The following LSG1 variants were observed in gnomAD, a reference collection of about 807,000 sequenced individuals.
LSG1 encodes the protein large 60S subunit nuclear export GTPase 1.
LSG1 carries 55 observed loss-of-function variants against 82.6 expected under a neutral mutation model. The observed-to-expected ratio is 0.67, with a 90% CI of 0.54 to 0.83. The LOEUF (loss-of-function observed/expected upper bound fraction) is 0.83. Among genes scored for constraint, LSG1 ranks in the 40% least tolerant of loss-of-function variants. The pLI is 0.00. For synonymous variants in LSG1, 272 were observed against 282.5 expected, an observed-to-expected ratio of 0.96 and a Z score of 0.37; for missense variants, 809 against 807.9, an observed-to-expected ratio of 1.00 and a Z score of -0.02.
chr3:194,653,541 G>A (rs1718728576), intron 7 of LSG1, among the ~76,000 whole-genome samples: 2 of 151,890 alleles, frequency 1.3e-5, no homozygotes. Flanking sequence ...ATGAACAGGG[G>A]ACAAGCAAAG....
Position 194,659,078 on chromosome 3 carries a change from T to C in LSG1, c.638A>G (p.Lys213Arg). ...ANKENVILIN[K>R]ADLLTAEQRS... ...CTGCTCAGCAGTCAGCAAGTCTGCC[T>C]TGTTGATCAGAATGACGTTCTCCTT... Residue 213 changes from lysine (K) to arginine (R), a missense_variant, in exon 7 of 14, where the codon AAG (lysine) becomes AGG (arginine). Physicochemically the swap from Lys to Arg is conservative, Grantham distance 26. Transcript: ENST00000265245. 1 of 1,614,192 alleles carries C rather than the reference T, an allele frequency of 6.2e-7. No homozygotes were observed. The highest frequency in any genetic ancestry group is 8.5e-7 in the Non-Finnish European group (1 of 1,180,004).
intron 7 of LSG1, among the ~76,000 whole-genome samples, chr3:194,654,712 C>A (rs1030955900): frequency 6.6e-6 from 1 of 151,966 alleles, no homozygotes; most frequent in Non-Finnish European, 1.5e-5. Context: ...AAAACTACAG[C>A]GGGGAGCAGT....
Position 194,642,157 on chromosome 3 carries a change from C to CT in LSG1, c.1887_1888insA (p.Glu630ArgfsTer16). The CT allele has an allele frequency of 1.2e-6, 2 of 1,614,070 alleles. No homozygotes were observed. The highest frequency in any genetic ancestry group is 1.7e-6 in the Non-Finnish European group (2 of 1,180,026). ...TTCCAGGGCTTCCCCGCCCCGTTCT[C>CT]AGAGCTCGCAGTGGATGCAGTCACT... is the stretch of plus-strand genomic sequence containing the variant. On this transcript the variant is annotated frameshift_variant, in exon 14 of 14. Transcript: ENST00000265245. LOFTEE classifies it high-confidence loss of function.
intron 7 of LSG1, among the ~76,000 whole-genome samples, chr3:194,657,552 C>T (rs1421725621): frequency 6.8e-6 from 1 of 148,056 alleles, no homozygotes; most frequent in Non-Finnish European, 1.5e-5. Flanking sequence ...GATGAACTAA[C>T]AGAAACTGAA....
At position 194,644,668 on chromosome 3, in the gene LSG1, T is replaced by C. The variant is rs764440886; in HGVS notation, c.1702A>G (p.Asn568Asp). ...TTTATTTCATCACTGTTCATTTTGT[T>C]CTCTAGGAGTCGCTGGTGTTGATGC... Reference protein sequence around the residue: ...FQHQHQRLLENKMNSDEIKMQ... With the variant: ...FQHQHQRLLEDKMNSDEIKMQ... Residue 568 changes from asparagine (N) to aspartate (D), a missense_variant, in exon 13 of 14, where the codon AAC becomes GAC. By Grantham distance (23) the Asn-to-Asp change is conservative. Transcript: ENST00000265245. 4.5e-5 allele frequency: 73 copies of C among 1,611,872 alleles called. No individual in the cohort carries two copies. In the East Asian group the frequency reaches 1.6e-3, roughly 34 times the overall value.
At chr3:194,669,716 G>A (rs566460711) in intron 2 of LSG1, among the ~76,000 whole-genome samples, 7 of 152,104 alleles carry the variant, frequency 4.6e-5, no homozygotes, top group Non-Finnish European at 7.3e-5. Context: ...GGCGAATCAC[G>A]AGGTCAGGAG....
chr3:194,664,244 C>A (rs1001911469), intron 5 of LSG1, among the ~76,000 whole-genome samples: 1 of 152,054 alleles, frequency 6.6e-6, no homozygotes, highest in Non-Finnish European at 1.5e-5. Flanking sequence ...TGAGCCACCG[C>A]GCTGGGCCCT....
intron 7 of LSG1, among the ~76,000 whole-genome samples, chr3:194,657,183 TAAA>T (rs56027721): frequency 0.62 from 88,382 of 142,644 alleles, 28,257 homozygotes; most frequent in East Asian, 0.87. Flanking sequence ...AAGGCAACCT[TAAA>T]AAAAAAAAAA....
Position 194,647,009 on chromosome 3 carries a change from C to T in LSG1, c.1544-766G>A, listed in dbSNP as rs7646730. Reference sequence around the variant, plus strand: ...CAGCGAAGCATGGTGGTTAAGAACACGGCTTCAGCAGACAGGCTGCGTTCA... The same window carrying T: ...CAGCGAAGCATGGTGGTTAAGAACATGGCTTCAGCAGACAGGCTGCGTTCA... On this transcript the variant is annotated intron_variant, in intron 11 of 13. Coordinates refer to ENST00000265245, the MANE Select transcript of LSG1 (RefSeq NM_018385.3). Among the ~76,000 whole-genome samples, 210 of 152,320 alleles carry T rather than the reference C, an allele frequency of 1.4e-3. 1 individual carries two copies. The highest frequency in any genetic ancestry group is 4.8e-3 in the African/African-American group (198 of 41,576).
intron 13 of LSG1, among the ~76,000 whole-genome samples, chr3:194,643,331 T>C (rs1718437815): frequency 6.6e-6 from 1 of 152,242 alleles, no homozygotes; most frequent in African/African-American, 2.4e-5. Flanking sequence ...GTGCAAATAT[T>C]TGTAAATCAT....
intron 4 of LSG1, 36 bp downstream of exon 4, chr3:194,666,167 T>C: frequency 6.4e-7 from 1 of 1,561,996 alleles, no homozygotes; most frequent in Non-Finnish European, 8.8e-7. Context: ...AACTCAGGAT[T>C]TCAAAGTAAG....
At chr3:194,661,439 G>A (rs148545418) in intron 5 of LSG1, among the ~76,000 whole-genome samples, 2 of 152,324 alleles carry the variant, frequency 1.3e-5, no homozygotes, top group African/African-American at 4.8e-5. Flanking sequence ...GACATTTCAA[G>A]ACAGCTGCTT....
chr3:194,670,314 C>A (rs1270136956), intron 1 of LSG1, among the ~76,000 whole-genome samples, 179 bp from the exon 2 acceptor site: 2 of 152,168 alleles, frequency 1.3e-5, no homozygotes, highest in East Asian at 3.8e-4. Context: ...ATAGGCAGTT[C>A]CCTTTCACCA....
intron 1 of LSG1, chr3:194,671,764 G>C: frequency 2.3e-6 from 1 of 433,064 alleles, no homozygotes; most frequent in Non-Finnish European, 4.1e-6. Context: ...GAAGTTCCAA[G>C]CACTTCAGTG....
At chr3:194,651,555 G>A (rs545089133) in intron 8 of LSG1, 32 of 249,648 alleles carry the variant, frequency 1.3e-4, no homozygotes, top group Non-Finnish European at 2.2e-4. Flanking sequence ...CTTCCACACT[G>A]GGTGAGGCTG....
chr3:194,672,179 G>C lies in LSG1; in HGVS notation c.-17C>G. On this transcript the variant is annotated 5_prime_UTR_variant, in exon 1 of 14. Coordinates refer to ENST00000265245, the MANE Select transcript of LSG1 (RefSeq NM_018385.3). ...CCGGCCCATGGCAACACGACCGCTGGACGAAGCTTCCCGGCTCGGCGCGTG... is the reference window on the plus strand; with the variant it reads ...CCGGCCCATGGCAACACGACCGCTGCACGAAGCTTCCCGGCTCGGCGCGTG... 1 of 1,575,148 alleles carries C rather than the reference G, an allele frequency of 6.3e-7. No homozygotes were observed. Among genetic ancestry groups the C allele is most frequent in the Non-Finnish European group, 8.6e-7 (1 of 1,158,242 alleles).
intron 8 of LSG1, 48 bp from the exon 9 acceptor site, chr3:194,651,264 A>G (rs1718668986): frequency 4.7e-6 from 6 of 1,269,108 alleles, no homozygotes; most frequent in African/African-American, 1.5e-5. Flanking sequence ...TACATCTATC[A>G]AAAGACTCAA....
intron 10 of LSG1, among the ~76,000 whole-genome samples, chr3:194,649,700 A>C (rs1362507655): frequency 2.6e-5 from 4 of 151,976 alleles, no homozygotes; most frequent in Non-Finnish European, 5.9e-5. Context: ...AAAAACAAAA[A>C]AAAAAGCTAT....
At chr3:194,671,942 A>G in intron 1 of LSG1, 122 bp downstream of exon 1, 1 of 859,030 alleles carries the variant, frequency 1.2e-6, no homozygotes, top group South Asian at 1.4e-5. Flanking sequence ...AGAAACTCCA[A>G]CTCATCCTTC....
Sources: allele counts gnomAD v4.1 joint callset (sites outside exome capture counted in the v4.1 genomes callset), GRCh38; gene constraint gnomAD v4.1.1; transcripts MANE v1.5; gene names NCBI Gene and HGNC (gene_info 2026-07-23, HGNC 2026-07-21).